TMC5: variants seen among roughly 807,000 people sequenced by gnomAD.
The protein encoded by TMC5 is transmembrane channel like 5.
In TMC5, 86 loss-of-function variants were observed where a neutral mutation model predicts 110.5. That is an observed-to-expected ratio of 0.78 (90% confidence interval 0.65 to 0.93). The LOEUF (loss-of-function observed/expected upper bound fraction) is 0.93. Ranked by LOEUF, TMC5 falls within the 40% of genes least tolerant of loss-of-function variation. TMC5 has a pLI of 0.00. For missense variants in TMC5, 1,144 were observed against 1,222.8 expected (o/e 0.94, Z 0.96); for synonymous variants, 455 against 439.5 (o/e 1.04, Z -0.44).
chr16:19,490,729 TC>T (rs1968867366), intron 18 of TMC5, among the ~76,000 whole-genome samples, 161 bp downstream of exon 18: 1 of 58,820 alleles, frequency 1.7e-5, no homozygotes, highest in Non-Finnish European at 6.2e-5. Flanking sequence ...CTTCCTTCCT[TC>T]CTTCCTTCCT....
At position 19,479,297 on chromosome 16, in the gene TMC5, T is replaced by A. The variant is rs1008755934; in HGVS notation, c.2170-134T>A. On this transcript the variant is annotated intron_variant, in intron 13 of 21. Transcript: ENST00000542583. Reference sequence around the variant, plus strand: ...TGCATTTTTTCAGAGTGGGTCTACTTTTTTGAGTACACAAGGACTTGGTCA... The same window carrying A: ...TGCATTTTTTCAGAGTGGGTCTACTATTTTGAGTACACAAGGACTTGGTCA... The A allele has an allele frequency of 1.6e-4, 120 of 746,670 alleles. 1 individual carries two copies. The highest frequency in any genetic ancestry group is 3.9e-4 in the Middle Eastern group (1 of 2,596). 46.3% of individuals were successfully genotyped at this position (746,670 alleles called of 1,614,324 possible).
chr16:19,459,091 C>T (rs1408699049), intron 5 of TMC5, among the ~76,000 whole-genome samples: 4 of 150,042 alleles, frequency 2.7e-5, no homozygotes, highest in South Asian at 2.1e-4. Context: ...AGAAATTTCT[C>T]AGCACACACC....
intron 9 of TMC5, among the ~76,000 whole-genome samples, chr16:19,468,057 C>T (rs1968233287): frequency 6.6e-6 from 1 of 152,116 alleles, no homozygotes; most frequent in Non-Finnish European, 1.5e-5. Context: ...TCACTGCAAC[C>T]TCCGCTTCTC....
chr16:19,413,522 T>C (rs1268919294), upstream of TMC5, among the ~76,000 whole-genome samples: 4 of 34,342 alleles, frequency 1.2e-4, no homozygotes, highest in African/African-American at 4.5e-4. Flanking sequence ...AAACCCTGCC[T>C]CAAAAAAAAA....
intron 1 of TMC5, among the ~76,000 whole-genome samples, chr16:19,424,440 C>G (rs920160141): frequency 6.6e-6 from 1 of 152,118 alleles, no homozygotes; most frequent in African/African-American, 2.4e-5. Flanking sequence ...CACCTGAGGT[C>G]AGGAGTTCGA....
At chr16:19,412,249 T>G (rs1966857443) in intron 1 of TMC5, among the ~76,000 whole-genome samples, 1 of 151,892 alleles carries the variant, frequency 6.6e-6, no homozygotes, top group African/African-American at 2.4e-5. Flanking sequence ...TTTTTAAATT[T>G]TTGTAGAGAT....
chr16:19,466,364 C>T, intron 9 of TMC5, 131 bp downstream of exon 9: 1 of 999,518 alleles, frequency 1.0e-6, no homozygotes, highest in Non-Finnish European at 1.4e-6. Context: ...CTTTTCTTTT[C>T]TTTCTTAGAT....
At chr16:19,432,625 A>G (rs1011780505) in intron 2 of TMC5, among the ~76,000 whole-genome samples, 1 of 152,084 alleles carries the variant, frequency 6.6e-6, no homozygotes, top group Non-Finnish European at 1.5e-5. Context: ...CTCTTTCCCA[A>G]TCCTTTTCTG....
intron 4 of TMC5, among the ~76,000 whole-genome samples, chr16:19,447,282 G>A (rs1967635671): frequency 1.3e-5 from 2 of 152,036 alleles, no homozygotes; most frequent in South Asian, 4.1e-4. Flanking sequence ...CATGCCGTAA[G>A]CTGAAAGTGC....
intron 1 of TMC5, chr16:19,411,403 C>G (rs1966855513): frequency 6.6e-6 from 1 of 152,186 alleles, no homozygotes; most frequent in South Asian, 2.1e-4. Context: ...TGTTATTTCT[C>G]CTGGGGTAAT....
intron 5 of TMC5, among the ~76,000 whole-genome samples, chr16:19,455,603 G>T (rs937008637): frequency 7.9e-5 from 12 of 152,096 alleles, no homozygotes; most frequent in African/African-American, 2.9e-4. Flanking sequence ...CAAAATGTCT[G>T]GAGGAAGACT....
chr16:19,476,457 T>C (rs1968491911), intron 12 of TMC5, among the ~76,000 whole-genome samples: 1 of 152,130 alleles, frequency 6.6e-6, no homozygotes, highest in African/African-American at 2.4e-5. Context: ...GGTGCCACTT[T>C]TAAAAGTTTG....
At chr16:19,434,095 A>G (rs1194473775) in intron 2 of TMC5, among the ~76,000 whole-genome samples, 16 of 22,858 alleles carry the variant, frequency 7.0e-4, no homozygotes, top group African/African-American at 4.2e-3. Flanking sequence ...ATATATATCT[A>G]TAATATATAT....
chr16:19,419,450 T>G (rs918198080), intron 1 of TMC5, among the ~76,000 whole-genome samples: 19 of 141,066 alleles, frequency 1.3e-4, no homozygotes, highest in South Asian at 2.5e-4. Flanking sequence ...TCTTGCTCTG[T>G]CGCTCAGGCT....
rs1195568079 is a variant in TMC5, at chr16:19,456,817, A to T, written c.1049-3418A>T. 1.9e-6 allele frequency: 3 copies of T among 1,614,100 alleles called. No individual in the cohort carries two copies. The African/African-American group carries it at 4.0e-5, about 22-fold the overall frequency. The stretch of plus-strand genomic sequence containing the variant: ...AGATTTTTCAAGAAAAGGTGCTGCT[A>T]GACTCAAGCATCAACATGGTTTTGT... On this transcript the variant is annotated intron_variant, in intron 5 of 21. Coordinates refer to ENST00000542583, the MANE Select transcript of TMC5 (RefSeq NM_001261841.2).
chr16:19,440,012 A>ACTCCAGGG lies in TMC5; in HGVS notation c.-26_-19dup. 1.3e-6 allele frequency: 2 copies of ACTCCAGGG among 1,570,290 alleles called. No homozygotes were observed. The highest frequency in any genetic ancestry group is 2.3e-5 in the South Asian group (2 of 87,482). ...ATTGCAAATGCTGGGACAGTTTACC[A>ACTCCAGGG]CTCCAGGGTGAAGAGTCCATACCAA... is the stretch of plus-strand genomic sequence containing the variant. On this transcript the variant is annotated 5_prime_UTR_variant, in exon 3 of 22. It removes the in-frame stop codon of an upstream open reading frame in the 5' UTR. Transcript: ENST00000542583.
At chr16:19,463,733 T>G (rs756250931) in intron 7 of TMC5, 43 bp from the exon 8 acceptor site, 1 of 1,598,032 alleles carries the variant, frequency 6.3e-7, no homozygotes, top group East Asian at 2.2e-5. Flanking sequence ...CGATATTTGT[T>G]GAGTCAACAG....
upstream of TMC5, among the ~76,000 whole-genome samples, chr16:19,413,522 TCA>T (rs1966862715): frequency 2.9e-5 from 1 of 34,332 alleles, no homozygotes; most frequent in Non-Finnish European, 4.7e-5. Flanking sequence ...AAACCCTGCC[TCA>T]AAAAAAAAAA....
rs894577152 is a variant in TMC5 at position 19,440,742 on chromosome 16, C to T, written c.704C>T (p.Pro235Leu). ...AGTGCTGAGGACAATCAGAACTTGC[C>T]AAGCACTTGGAGAGAACCTGATTAT... ...YPSAEDNQNL[P>L]STWREPDYSD... is the part of the protein sequence containing the mutation. Residue 235 changes from proline (P) to leucine (L), a missense_variant, in exon 3 of 22, where the codon CCA (proline) becomes CTA (leucine). By Grantham distance (98) the Pro-to-Leu change is moderately conservative (BLOSUM62 -3). Coordinates refer to ENST00000542583, the MANE Select transcript of TMC5 (RefSeq NM_001261841.2). The T allele has an allele frequency of 1.9e-6, 3 of 1,614,118 alleles. No homozygotes were observed. In the Admixed American group the frequency reaches 5.0e-5, roughly 27 times the overall value.
Sources: gnomAD v4.1 joint callset for allele counts (sites outside exome capture counted in the v4.1 genomes callset) on GRCh38, gnomAD v4.1.1 for gene constraint, MANE v1.5 for transcripts, NCBI Gene and HGNC (gene_info 2026-07-23, HGNC 2026-07-21) for gene names.